Variants in CHN2 observed in about 807,000 individuals in gnomAD.
CHN2 encodes the protein beta-chimaerin.
In CHN2, 35 loss-of-function variants were observed where a neutral mutation model predicts 56.3. The observed-to-expected ratio is 0.62, with a 90% CI of 0.47 to 0.82. The LOEUF is 0.82. Among genes scored for constraint, CHN2 ranks in the 40% least tolerant of loss-of-function variants. The pLI, the probability that CHN2 is intolerant of heterozygous loss-of-function variation, is 0.00. For missense variants in CHN2, 491 were observed against 580.5 expected, an observed-to-expected ratio of 0.85 and a Z score of 1.58; for synonymous variants, 210 against 212.8, an observed-to-expected ratio of 0.99 and a Z score of 0.12.
Position 29,243,382 on chromosome 7 carries a change from T to G in CHN2, c.49+48392T>G, listed in dbSNP as rs187018340. Among the ~76,000 whole-genome samples, 6 of 152,308 alleles carry G rather than the reference T, an allele frequency of 3.9e-5. No individual in the cohort carries two copies. In the East Asian group the frequency reaches 7.7e-4, roughly 20 times the overall value. On this transcript the variant is annotated intron_variant, in intron 1 of 12. Coordinates refer to ENST00000222792, the MANE Select transcript of CHN2 (RefSeq NM_004067.4). ...GGTCACAAGTGTAATCCTGAAAAATTGTAGACCAGTCAGAGTTTTCTAAGT... is the reference window on the plus strand; with the variant it reads ...GGTCACAAGTGTAATCCTGAAAAATGGTAGACCAGTCAGAGTTTTCTAAGT...
intron 2 of CHN2, among the ~76,000 whole-genome samples, chr7:29,163,430 A>G (rs779135191): frequency 2.0e-5 from 3 of 152,126 alleles, no homozygotes; most frequent in Non-Finnish European, 4.4e-5. Context: ...TACATATGTG[A>G]TTCATATTAT....
chr7:29,252,305 C>T (rs1788618668), intron 1 of CHN2, among the ~76,000 whole-genome samples: 1 of 150,418 alleles, frequency 6.6e-6, no homozygotes, highest in Non-Finnish European at 1.5e-5. Flanking sequence ...TCTTCTGCCT[C>T]AGCCTCCCGA....
At chr7:29,238,261 G>T (rs183392880) in intron 1 of CHN2, among the ~76,000 whole-genome samples, 5 of 152,042 alleles carry the variant, frequency 3.3e-5, no homozygotes, top group Admixed American at 2.6e-4. Context: ...CTCAGGATCC[G>T]CCTGCCTTGG....
chr7:29,383,048 T>C (rs1800640103), intron 3 of CHN2, among the ~76,000 whole-genome samples: 1 of 152,198 alleles, frequency 6.6e-6, no homozygotes, highest in African/African-American at 2.4e-5. Context: ...ATTCATGTGT[T>C]CATCCAGTAA....
chr7:29,169,220 T>C (rs1469387167), intron 2 of CHN2, among the ~76,000 whole-genome samples: 1 of 152,234 alleles, frequency 6.6e-6, no homozygotes, highest in Non-Finnish European at 1.5e-5. Flanking sequence ...AAATACATGG[T>C]TGTACTACGA....
chr7:29,364,742 A>T (rs925313509), intron 2 of CHN2, among the ~76,000 whole-genome samples: 3 of 152,202 alleles, frequency 2.0e-5, no homozygotes, highest in Non-Finnish European at 2.9e-5. Context: ...TTTATCTCTT[A>T]TAGCTTTTTC....
rs148337881 is a variant in CHN2, at chr7:29,163,152, TACTC to T, written c.274+16194_274+16197del. On this transcript the variant is annotated intron_variant, in intron 2 of 6. Transcript: ENST00000439384. The stretch of plus-strand genomic sequence containing the variant: ...TTCAAAATTAAAAATTAAAAAAAGA[TACTC>T]AATTCTATTATGGGAAAATTTTTAA... 4.6e-3 allele frequency among the ~76,000 whole-genome samples: 699 copies of T among 152,274 alleles called. 4 individuals are homozygous for T. The highest frequency in any genetic ancestry group is 8.1e-3 in the Non-Finnish European group (549 of 68,010).
intron 7 of CHN2, among the ~76,000 whole-genome samples, chr7:29,487,065 T>G (rs548341796): frequency 2.6e-5 from 4 of 152,182 alleles, no homozygotes; most frequent in Non-Finnish European, 5.9e-5. Context: ...CCTTGCCTTC[T>G]TATCAAGCTC....
chr7:29,460,255 C>T (rs1211018970), intron 6 of CHN2, among the ~76,000 whole-genome samples: 6 of 152,006 alleles, frequency 3.9e-5, no homozygotes, highest in African/African-American at 1.2e-4. Flanking sequence ...CACCCGCCCT[C>T]AAATAGAGCT....
At chr7:29,489,789 C>T (rs988431555) in intron 7 of CHN2, among the ~76,000 whole-genome samples, 4 of 152,092 alleles carry the variant, frequency 2.6e-5, no homozygotes, top group African/African-American at 4.8e-5. Flanking sequence ...AGTAGGGATA[C>T]TTGTTGGGAA....
At chr7:29,192,489 A>T (rs909489891), upstream of CHN2, 2 of 152,240 alleles carry the variant, frequency 1.3e-5, no homozygotes, top group African/African-American at 2.4e-5. Flanking sequence ...CAAGAAATAT[A>T]AGCCATAGAT....
At position 29,293,367 on chromosome 7, in the gene CHN2, C is replaced by G. The variant is rs945894480; in HGVS notation, c.50-61258C>G. 1.1e-4 allele frequency among the ~76,000 whole-genome samples: 12 copies of G among 107,316 alleles called. No individual in the cohort carries two copies. The East Asian group carries it at 1.5e-3, about 14-fold the overall frequency. 70.4% of individuals were successfully genotyped at this position (107,316 alleles called of 152,430 possible). A position where few individuals can be genotyped will look rare whatever the true frequency, so the allele number is the denominator to read the frequency against. On this transcript the variant is annotated intron_variant, in intron 1 of 12. Transcript: ENST00000222792. The stretch of plus-strand genomic sequence containing the variant: ...TTCTTCTGAGGGCAGCTAATGCCCC[C>G]CCCCCCCCCCATATTAACTCCAAGG...
chr7:29,443,364 G>A (rs1783809185), intron 6 of CHN2, among the ~76,000 whole-genome samples: 1 of 152,208 alleles, frequency 6.6e-6, no homozygotes, highest in Non-Finnish European at 1.5e-5. Flanking sequence ...TGACAGCATA[G>A]CCTAGGTACA....
At chr7:29,205,270 T>C (rs567166652) in intron 1 of CHN2, among the ~76,000 whole-genome samples, 3 of 152,212 alleles carry the variant, frequency 2.0e-5, no homozygotes, top group Non-Finnish European at 2.9e-5. Flanking sequence ...CTGAAACTTA[T>C]TTTTAGCATC....
At chr7:29,279,645 C>T (rs1791524090) in intron 1 of CHN2, among the ~76,000 whole-genome samples, 1 of 152,132 alleles carries the variant, frequency 6.6e-6, no homozygotes, top group Non-Finnish European at 1.5e-5. Flanking sequence ...ATGGGGCTCC[C>T]CAGTCGGAAA....
chr7:29,258,210 G>A (rs6950506), intron 1 of CHN2, among the ~76,000 whole-genome samples: 4,758 of 152,196 alleles, frequency 0.031, 226 homozygotes, highest in African/African-American at 0.11. Context: ...TGAGAGTGAA[G>A]GAGTTGCTAG....
At chr7:29,161,895 A>G (rs998202141) in intron 2 of CHN2, among the ~76,000 whole-genome samples, 5 of 152,244 alleles carry the variant, frequency 3.3e-5, no homozygotes, top group South Asian at 2.1e-4. Context: ...AAGAAGATAG[A>G]CAGTTGGCAA....
chr7:29,441,234 A>G lies in CHN2; in HGVS notation c.577-39045A>G, dbSNP rs376542181. On this transcript the variant is annotated intron_variant, in intron 6 of 12. Transcript: ENST00000222792. ...AGAATGAATAATCTCTCAATTACATAGTGCTGGGACAACTGGAGATCCTCA... is the reference window on the plus strand; with the variant it reads ...AGAATGAATAATCTCTCAATTACATGGTGCTGGGACAACTGGAGATCCTCA... Among the ~76,000 whole-genome samples, 59 of 152,316 alleles carry G rather than the reference A, an allele frequency of 3.9e-4. No individual in the cohort carries two copies. The South Asian group carries it at 0.012, about 32-fold the overall frequency.
intron 1 of CHN2, among the ~76,000 whole-genome samples, chr7:29,250,709 TTC>T (rs1458319597): frequency 3.4e-5 from 4 of 118,512 alleles, no homozygotes; most frequent in Admixed American, 7.8e-5. Flanking sequence ...CCTGAACTTC[TTC>T]TTTTTTTTTT....
Sources: gnomAD v4.1 joint callset for allele counts (sites outside exome capture counted in the v4.1 genomes callset) on GRCh38, gnomAD v4.1.1 for gene constraint, MANE v1.5 for transcripts, NCBI Gene and HGNC (gene_info 2026-07-23, HGNC 2026-07-21) for gene names.